The following PAK3 variants were observed in gnomAD, a reference collection of about 807,000 sequenced individuals.
PAK3 encodes the protein p21 (RAC1) activated kinase 3, also known as serine/threonine-protein kinase PAK 3.
PAK3 carries 4 observed loss-of-function variants against 41.0 expected under a neutral mutation model. The observed-to-expected ratio is 0.10, with a 90% CI of 0.05 to 0.22. PAK3 has a LOEUF of 0.22. Among genes scored for constraint, PAK3 ranks in the 10% least tolerant of loss-of-function variants. The pLI is 1.00. For synonymous variants in PAK3, 146 were observed against 139.6 expected (o/e 1.05, Z -0.32); for missense variants, 205 against 409.9 (o/e 0.50, Z 4.32).
intron 11 of PAK3, 105 bp downstream of exon 11, chrX:111,173,186 T>G (rs2094366204): frequency 2.0e-6 from 1 of 499,863 alleles, no homozygotes; most frequent in South Asian, 2.9e-5. Flanking sequence ...GCTTCTCATT[T>G]CCTAGATTAT....
chrX:110,980,895 G>A (rs2091436918), intron 1 of PAK3, among the ~76,000 whole-genome samples: 1 of 112,294 alleles, frequency 8.9e-6, no homozygotes, highest in Non-Finnish European at 1.9e-5. Flanking sequence ...GTCAAACAAG[G>A]TAGGTCAGAT....
At chrX:111,140,025 C>A in intron 5 of PAK3, among the ~76,000 whole-genome samples, 1 of 111,751 alleles carries the variant, frequency 8.9e-6, no homozygotes, top group South Asian at 3.8e-4. Flanking sequence ...TTCAGAGTTA[C>A]TCACTTGCCT....
chrX:111,050,466 TA>T (rs1303575806), intron 1 of PAK3, among the ~76,000 whole-genome samples: 1 of 112,427 alleles, frequency 8.9e-6, no homozygotes, highest in Non-Finnish European at 1.9e-5. Flanking sequence ...AGCAACAACT[TA>T]AAAAAAGTTC....
At chrX:111,004,306 C>T (rs1221441908) in intron 1 of PAK3, among the ~76,000 whole-genome samples, 2 of 111,497 alleles carry the variant, frequency 1.8e-5, no homozygotes, top group Non-Finnish European at 3.8e-5. Flanking sequence ...AGAAGCCACT[C>T]GATCTTACTT....
intron 4 of PAK3, among the ~76,000 whole-genome samples, chrX:111,116,222 T>C (rs1338820369): frequency 9.0e-6 from 1 of 111,148 alleles, no homozygotes; most frequent in Non-Finnish European, 1.9e-5. Flanking sequence ...TCTTACTAAG[T>C]TTTGCTTCTC....
chrX:111,097,293 G>A (rs2093022846), intron 1 of PAK3, 97 bp from the exon 2 acceptor site: 1 of 107,712 alleles, frequency 9.3e-6, no homozygotes, highest in Non-Finnish European at 1.9e-5. Flanking sequence ...TTAAGGGGTG[G>A]GGTGGGGTGG....
At chrX:111,109,332 A>G (rs2093329045) in intron 4 of PAK3, among the ~76,000 whole-genome samples, 1 of 112,192 alleles carries the variant, frequency 8.9e-6, no homozygotes, top group African/African-American at 3.2e-5. Context: ...GATCCTTGAC[A>G]TAACAGAGAA....
chrX:111,028,005 G>GTGTATATATATACATATATATGTGTA (rs1569508044), intron 1 of PAK3, among the ~76,000 whole-genome samples: 18 of 104,293 alleles, frequency 1.7e-4, no homozygotes, highest in South Asian at 1.2e-3. Context: ...GTGTGTGTGT[G>GTGTATATATATACATATATATGTGTA]TATATATATA....
At chrX:111,049,980 T>C (rs1436892335) in intron 1 of PAK3, among the ~76,000 whole-genome samples, 1 of 111,389 alleles carries the variant, frequency 9.0e-6, no homozygotes, top group Admixed American at 9.6e-5. Flanking sequence ...ATTAGGTACA[T>C]AATCAGCATA....
intron 3 of PAK3, among the ~76,000 whole-genome samples, chrX:111,101,573 T>G (rs2148895259): frequency 8.9e-6 from 1 of 111,785 alleles, no homozygotes; most frequent in South Asian, 3.8e-4. Context: ...CCCCAGTGGG[T>G]GGATGCTGCC....
chrX:111,146,478 C>T (rs1354304330), intron 6 of PAK3: 3 of 920,140 alleles, frequency 3.3e-6, no homozygotes, highest in East Asian at 6.8e-5. Flanking sequence ...GTCCCACATT[C>T]TGTTTTAACT....
intron 1 of PAK3, among the ~76,000 whole-genome samples, chrX:111,000,911 A>C: frequency 8.9e-6 from 1 of 111,898 alleles, no homozygotes. Flanking sequence ...AATGGATGTT[A>C]TGGAGACAAA....
Position 111,128,122 on chromosome X carries a change from C to A in PAK3, c.175+4844C>A, listed in dbSNP as rs185493776. On this transcript the variant is annotated intron_variant, in intron 5 of 17. Coordinates refer to ENST00000372007, the MANE Select transcript of PAK3 (RefSeq NM_002578.5). ...GCTGCGAGGCTGCATTTAGAGGTGA[C>A]GTGTTCTGTGTGACGTCTGTGTCTA... is the stretch of plus-strand genomic sequence containing the variant. 2.6e-3 allele frequency among the ~76,000 whole-genome samples: 286 copies of A among 112,126 alleles called. 1 individual carries two copies. Among genetic ancestry groups the A allele is most frequent in the African/African-American group, 9.0e-3 (279 of 30,879 alleles).
At chrX:111,194,055 T>C (rs984853069) in intron 13 of PAK3, among the ~76,000 whole-genome samples, 1 of 111,532 alleles carries the variant, frequency 9.0e-6, no homozygotes, top group Admixed American at 9.5e-5. Context: ...ATTGTACTGC[T>C]AAAGTGCCGT....
At chrX:111,130,002 T>A (rs2093696769) in intron 5 of PAK3, among the ~76,000 whole-genome samples, 1 of 111,967 alleles carries the variant, frequency 8.9e-6, no homozygotes, top group Admixed American at 9.5e-5. Flanking sequence ...ATCAGAAGTG[T>A]CTAGTTAGGA....
intron 1 of PAK3, among the ~76,000 whole-genome samples, chrX:110,949,256 A>G (rs2090690126): frequency 9.0e-6 from 1 of 111,293 alleles, no homozygotes; most frequent in Admixed American, 9.5e-5. Context: ...GTGGAGACCT[A>G]AAAGACCATG....
chrX:111,083,001 T>C (rs1425607373), intron 1 of PAK3, among the ~76,000 whole-genome samples: 1 of 112,587 alleles, frequency 8.9e-6, no homozygotes, highest in East Asian at 2.8e-4. Context: ...TGGATTATTA[T>C]ATGCAAATTA....
chrX:111,174,528 A>C (rs1039032212), intron 11 of PAK3, among the ~76,000 whole-genome samples: 13 of 111,821 alleles, frequency 1.2e-4, no homozygotes, highest in African/African-American at 4.2e-4. Flanking sequence ...CTGTCACCGA[A>C]TGGGTCAAAT....
intron 5 of PAK3, among the ~76,000 whole-genome samples, chrX:111,126,343 C>A (rs147292259): frequency 9.0e-6 from 1 of 111,259 alleles, no homozygotes; most frequent in Non-Finnish European, 1.9e-5. Context: ...CTCATTTTTG[C>A]CCATTTTTTT....
Sources: allele counts gnomAD v4.1 joint callset (sites outside exome capture counted in the v4.1 genomes callset), GRCh38; gene constraint gnomAD v4.1.1; transcripts MANE v1.5; gene names NCBI Gene and HGNC (gene_info 2026-07-23, HGNC 2026-07-21).